The following STK39 variants were observed in gnomAD, a reference collection of about 807,000 sequenced individuals.
STK39 encodes STE20/SPS1-related proline-alanine-rich protein kinase.
Under a neutral mutation model 77.8 loss-of-function variants are expected in STK39, and 20 were observed. The observed-to-expected ratio is 0.26, with a 90% CI of 0.18 to 0.37. The LOEUF (loss-of-function observed/expected upper bound fraction) is 0.37, where lower values mean the gene tolerates loss of function less well. Ranked by LOEUF, STK39 falls within the 10% of genes least tolerant of loss-of-function variation. The pLI, the probability that STK39 is intolerant of heterozygous loss-of-function variation, is 1.00. For missense variants in STK39, 479 were observed against 656.5 expected (o/e 0.73, Z 2.95); for synonymous variants, 246 against 234.1 (o/e 1.05, Z -0.47).
intron 16 of STK39, among the ~76,000 whole-genome samples, chr2:167,982,554 A>T (rs77693319): frequency 0.038 from 5,770 of 152,186 alleles, 396 homozygotes; most frequent in African/African-American, 0.13. Flanking sequence ...TTTATTCTAC[A>T]CTCTCAGAAA....
intron 1 of STK39, among the ~76,000 whole-genome samples, chr2:168,213,342 C>A (rs1689941520): frequency 6.6e-6 from 1 of 152,126 alleles, no homozygotes; most frequent in Non-Finnish European, 1.5e-5. Context: ...TAGTCCCTGT[C>A]ATGTGTTAAG....
intron 14 of STK39, among the ~76,000 whole-genome samples, chr2:168,040,669 A>G (rs1439800926): frequency 4.6e-5 from 7 of 152,210 alleles, no homozygotes; most frequent in African/African-American, 1.7e-4. Flanking sequence ...AATTATATGA[A>G]GTTTCATTTT....
At chr2:168,185,727 T>C (rs1436005506) in intron 1 of STK39, among the ~76,000 whole-genome samples, 1 of 152,214 alleles carries the variant, frequency 6.6e-6, no homozygotes, top group East Asian at 1.9e-4. Flanking sequence ...CAACAGTATG[T>C]TCAAAGTCCC....
In STK39 at chr2:167,954,922, G is replaced by A. The variant is rs1691724274; in HGVS notation, c.*574C>T. The A allele has an allele frequency of 6.6e-6, 1 of 152,536 alleles. No homozygotes were observed. The highest frequency in any genetic ancestry group is 2.4e-5 in the African/African-American group (1 of 41,408). 9.4% of individuals were successfully genotyped at this position (152,536 alleles called of 1,614,324 possible). Reference sequence around the variant, plus strand: ...AAAACCCTTTTTTTCTTATAGCTAAGGTGTGTAATGCATAAATATATGAAA... The same window carrying A: ...AAAACCCTTTTTTTCTTATAGCTAAAGTGTGTAATGCATAAATATATGAAA... On this transcript the variant is annotated 3_prime_UTR_variant, in exon 18 of 18. Coordinates refer to ENST00000355999, the MANE Select transcript of STK39 (RefSeq NM_013233.3).
At chr2:168,100,116 C>T (rs1438246497) in intron 10 of STK39, among the ~76,000 whole-genome samples, 1 of 152,180 alleles carries the variant, frequency 6.6e-6, no homozygotes, top group African/African-American at 2.4e-5. Flanking sequence ...ATTTTTCATA[C>T]AGTTTATCAT....
At chr2:168,018,086 A>G (rs1574395988) in intron 14 of STK39, among the ~76,000 whole-genome samples, 1 of 152,384 alleles carries the variant, frequency 6.6e-6, no homozygotes, top group East Asian at 1.9e-4. Context: ...ATTAATTTTA[A>G]GAAATGATAA....
chr2:168,013,576 C>CT (rs1684324993), intron 15 of STK39, among the ~76,000 whole-genome samples: 1 of 152,208 alleles, frequency 6.6e-6, no homozygotes. Flanking sequence ...AGAATTGTAG[C>CT]TTGATAAGAA....
intron 5 of STK39, among the ~76,000 whole-genome samples, chr2:168,151,001 T>C (rs140200143): frequency 7.9e-4 from 120 of 152,178 alleles, no homozygotes; most frequent in African/African-American, 2.6e-3. Flanking sequence ...AAGCAAATGG[T>C]GCTCAATGGC....
At chr2:167,965,934 T>C (rs1692147037) in intron 16 of STK39, among the ~76,000 whole-genome samples, 1 of 152,200 alleles carries the variant, frequency 6.6e-6, no homozygotes, top group African/African-American at 2.4e-5. Context: ...TTTATTTCAT[T>C]TAATCCATCA....
chr2:168,159,654 A>G (rs1688519697), intron 5 of STK39, among the ~76,000 whole-genome samples: 1 of 152,230 alleles, frequency 6.6e-6, no homozygotes, highest in African/African-American at 2.4e-5. Context: ...TGTGAATTCT[A>G]GAAAGCGACA....
intron 10 of STK39, among the ~76,000 whole-genome samples, chr2:168,118,759 G>A (rs1687326060): frequency 6.6e-6 from 1 of 152,092 alleles, no homozygotes; most frequent in South Asian, 2.1e-4. Flanking sequence ...CAGAGCAAAA[G>A]GAAAAAATCT....
intron 10 of STK39, among the ~76,000 whole-genome samples, chr2:168,083,825 C>T (rs1486463985): frequency 6.6e-6 from 1 of 151,858 alleles, no homozygotes; most frequent in Non-Finnish European, 1.5e-5. Flanking sequence ...AGGAGGCAAG[C>T]AGAAAATGCA....
At chr2:168,092,663 G>A (rs1324408349) in intron 10 of STK39, among the ~76,000 whole-genome samples, 86 of 152,168 alleles carry the variant, frequency 5.7e-4, no homozygotes, top group Non-Finnish European at 5.9e-5. Context: ...AGTAACCCAG[G>A]TCACACTGCA....
intron 10 of STK39, among the ~76,000 whole-genome samples, chr2:168,083,272 T>A (rs557657003): frequency 6.6e-6 from 1 of 151,726 alleles, no homozygotes; most frequent in Non-Finnish European, 1.5e-5. Flanking sequence ...GTCGATCCAA[T>A]TGGAATTTTG....
At chr2:168,096,931 G>A (rs1170497286) in intron 10 of STK39, among the ~76,000 whole-genome samples, 5 of 152,092 alleles carry the variant, frequency 3.3e-5, no homozygotes, top group African/African-American at 4.8e-5. Context: ...CTTTCAATGG[G>A]TATAAACGTG....
At chr2:168,140,587 A>G (rs2278784) in intron 6 of STK39, 62 bp downstream of exon 6, 425,871 of 1,335,312 alleles carry the variant, frequency 0.32, 74,592 homozygotes, top group East Asian at 0.68. Context: ...AAATGTTAGC[A>G]TATTAATGAT....
rs531298741 is a variant in STK39 at position 167,976,597 on chromosome 2, G to GT, written c.1499-11872dup. On this transcript the variant is annotated intron_variant, in intron 16 of 17. Coordinates refer to ENST00000355999, the MANE Select transcript of STK39 (RefSeq NM_013233.3). ...TAGGTTGGCCTTTTGAGATTTTCAGGTTTTTTGCATGTCTGACACCCATGG... is the reference window on the plus strand; with the variant it reads ...TAGGTTGGCCTTTTGAGATTTTCAGGTTTTTTTGCATGTCTGACACCCATGG... Among the ~76,000 whole-genome samples, 172 of 152,210 alleles carry GT rather than the reference G, an allele frequency of 1.1e-3. 2 individuals carry two copies. Among genetic ancestry groups the GT allele is most frequent in the African/African-American group, 3.6e-3 (150 of 41,532 alleles).
chr2:168,070,657 C>T (rs1313260545), intron 12 of STK39, among the ~76,000 whole-genome samples: 1 of 148,724 alleles, frequency 6.7e-6, no homozygotes, highest in African/African-American at 2.5e-5. Context: ...CAAGTGTTCT[C>T]ATTGTTCAAT....
intron 7 of STK39, among the ~76,000 whole-genome samples, chr2:168,139,984 G>A (rs551142839): frequency 5.9e-5 from 9 of 152,274 alleles, no homozygotes; most frequent in South Asian, 4.1e-4. Context: ...GGAACCTGGC[G>A]TTGTTCTGCT....
Sources: allele counts gnomAD v4.1 joint callset (sites outside exome capture counted in the v4.1 genomes callset), GRCh38; gene constraint gnomAD v4.1.1; transcripts MANE v1.5; gene names NCBI Gene and HGNC (gene_info 2026-07-23, HGNC 2026-07-21).